HMGCLL1: variants seen among roughly 807,000 people sequenced by gnomAD.
HMGCLL1 encodes 3-hydroxymethyl-3-methylglutaryl-CoA lyase, cytoplasmic.
In HMGCLL1, 36 loss-of-function variants were observed where a neutral mutation model predicts 39.1. The observed-to-expected ratio is 0.92, with a 90% CI of 0.71 to 1.22. The LOEUF is 1.22. HMGCLL1 is among the 50% of genes most tolerant of loss of function. The pLI, the probability that HMGCLL1 is intolerant of heterozygous loss-of-function variation, is 0.00. For missense variants in HMGCLL1, 451 were observed against 416.5 expected (o/e 1.08, Z -0.72); for synonymous variants, 149 against 144.0 (o/e 1.03, Z -0.25).
chr6:55,523,083 T>C (rs1284592524), intron 3 of HMGCLL1, among the ~76,000 whole-genome samples: 1 of 151,974 alleles, frequency 6.6e-6, no homozygotes, highest in Non-Finnish European at 1.5e-5. Flanking sequence ...TTTTGTACCC[T>C]TTTCCCTGAC....
the HMGCLL1 span, among the ~76,000 whole-genome samples, chr6:55,654,405 T>A: frequency 4.0e-5 from 6 of 151,818 alleles, no homozygotes; most frequent in East Asian, 1.2e-3. Context: ...AGTCAAAATT[T>A]GAAGTTATTT....
the HMGCLL1 span, among the ~76,000 whole-genome samples, chr6:55,638,278 G>T: frequency 6.6e-6 from 1 of 151,870 alleles, no homozygotes; most frequent in South Asian, 2.1e-4. Flanking sequence ...GTGGTGGCGG[G>T]CGCTTGTAAT....
chr6:55,598,317 A>C, the HMGCLL1 span, among the ~76,000 whole-genome samples: 1 of 152,138 alleles, frequency 6.6e-6, no homozygotes. Flanking sequence ...AAAAATTACA[A>C]AAAAAATTAG....
intron 3 of HMGCLL1, among the ~76,000 whole-genome samples, chr6:55,524,889 A>G (rs1159095340): frequency 6.6e-6 from 1 of 151,834 alleles, no homozygotes; most frequent in Non-Finnish European, 1.5e-5. Context: ...AATAACCAAG[A>G]AAAGGAAAAG....
intron 7 of HMGCLL1, among the ~76,000 whole-genome samples, chr6:55,476,018 T>G (rs2127406950): frequency 6.6e-6 from 1 of 151,800 alleles, no homozygotes. Context: ...ATCTGATAAG[T>G]TCTTCAGATT....
chr6:55,512,303 C>G (rs191553686), intron 5 of HMGCLL1: 2 of 152,088 alleles, frequency 1.3e-5, no homozygotes, highest in East Asian at 3.9e-4. Flanking sequence ...ATACTCCACA[C>G]TTTAAACACA....
chr6:55,537,473 C>T (rs1769099222), intron 3 of HMGCLL1, among the ~76,000 whole-genome samples: 1 of 152,142 alleles, frequency 6.6e-6, no homozygotes, highest in Non-Finnish European at 1.5e-5. Context: ...TATACACATA[C>T]TTTAATCTTC....
chr6:55,458,236 T>G (rs562837692), intron 7 of HMGCLL1, among the ~76,000 whole-genome samples: 1 of 151,658 alleles, frequency 6.6e-6, no homozygotes, highest in Admixed American at 6.6e-5. Context: ...AGATATTTAT[T>G]GAGTTCTTAT....
intron 7 of HMGCLL1, among the ~76,000 whole-genome samples, chr6:55,470,768 C>T (rs1222084504): frequency 6.6e-6 from 1 of 151,702 alleles, no homozygotes; most frequent in Non-Finnish European, 1.5e-5. Context: ...TCTCAGGAAA[C>T]TTACAATCAT....
the HMGCLL1 span, among the ~76,000 whole-genome samples, chr6:55,645,264 A>G: frequency 6.6e-6 from 1 of 151,934 alleles, no homozygotes; most frequent in East Asian, 1.9e-4. Flanking sequence ...CTGAAACTTT[A>G]CTGAATTTGT....
intron 3 of HMGCLL1, among the ~76,000 whole-genome samples, chr6:55,532,803 ACATAATAATAAT>A (rs761757064): frequency 0.19 from 26,077 of 138,370 alleles, 2,707 homozygotes; most frequent in Admixed American, 0.26. Context: ...TCTGTCTCAA[ACATAATAATAAT>A]AATAATAATA....
chr6:55,485,012 C>T (rs1765947492), intron 7 of HMGCLL1, among the ~76,000 whole-genome samples: 1 of 152,146 alleles, frequency 6.6e-6, no homozygotes, highest in Non-Finnish European at 1.5e-5. Flanking sequence ...TCCAGCCACA[C>T]TGGCCACATG....
chr6:55,657,542 T>C, the HMGCLL1 span, among the ~76,000 whole-genome samples: 1 of 152,002 alleles, frequency 6.6e-6, no homozygotes, highest in East Asian at 1.9e-4. Context: ...TCCATTGGTC[T>C]ATGTGTCTGT....
the HMGCLL1 span, among the ~76,000 whole-genome samples, chr6:55,599,574 G>A: frequency 2.0e-5 from 3 of 152,162 alleles, no homozygotes; most frequent in South Asian, 6.2e-4. Context: ...ACATTTTCAA[G>A]TGCCCAGATG....
chr6:55,616,196 G>T, the HMGCLL1 span, among the ~76,000 whole-genome samples: 1 of 151,990 alleles, frequency 6.6e-6, no homozygotes, highest in Non-Finnish European at 1.5e-5. Context: ...ATCTATGTTT[G>T]CTATGGGATT....
At chr6:55,581,884 G>A (rs4129055), upstream of HMGCLL1, among the ~76,000 whole-genome samples, 78,477 of 151,448 alleles carry the variant, frequency 0.52, 20,720 homozygotes, top group African/African-American at 0.62. Flanking sequence ...TAAATTTTCT[G>A]TTTTCTCTAG....
At chr6:55,446,070 G>A (rs972486008) in intron 7 of HMGCLL1, among the ~76,000 whole-genome samples, 3 of 151,798 alleles carry the variant, frequency 2.0e-5, no homozygotes, top group Non-Finnish European at 4.4e-5. Flanking sequence ...CTTTGTGCCA[G>A]GGACTTGGAA....
At chr6:55,536,332 A>G (rs1014588392) in intron 3 of HMGCLL1, among the ~76,000 whole-genome samples, 1 of 152,194 alleles carries the variant, frequency 6.6e-6, no homozygotes, top group Non-Finnish European at 1.5e-5. Context: ...GCCTTTGCCT[A>G]TGGCATACAT....
At chr6:55,622,958 G>A in the HMGCLL1 span, among the ~76,000 whole-genome samples, 1 of 151,908 alleles carries the variant, frequency 6.6e-6, no homozygotes, top group African/African-American at 2.4e-5. Context: ...AGTTCATTCA[G>A]GTTTTGGATT....
Sources: gnomAD v4.1 joint callset for allele counts (sites outside exome capture counted in the v4.1 genomes callset) on GRCh38, gnomAD v4.1.1 for gene constraint, MANE v1.5 for transcripts, NCBI Gene and HGNC (gene_info 2026-07-23, HGNC 2026-07-21) for gene names.